RARRES1: variants seen among roughly 807,000 people sequenced by gnomAD.
RARRES1 encodes the protein retinoic acid receptor responder 1.
A neutral mutation model predicts 30.6 loss-of-function variants in RARRES1; 34 were observed. The observed-to-expected ratio is 1.11, with a 90% CI of 0.84 to 1.48. The LOEUF (loss-of-function observed/expected upper bound fraction) is 1.48, where lower values mean the gene tolerates loss of function less well. Ranked by LOEUF, RARRES1 falls within the 40% of genes most tolerant of loss-of-function variation. RARRES1 has a pLI of 0.00. For missense variants in RARRES1, 373 were observed against 386.5 expected (o/e 0.97, Z 0.29); for synonymous variants, 153 against 155.5 (o/e 0.98, Z 0.12).
Position 158,713,816 on chromosome 3 carries a change from G to C in RARRES1, c.320C>G (p.Thr107Arg). 2 of 1,614,128 alleles carry C rather than the reference G, an allele frequency of 1.2e-6. No individual in the cohort carries two copies. Among genetic ancestry groups the C allele is most frequent in the Non-Finnish European group, 1.7e-6 (2 of 1,179,968 alleles). ...EGCKVHVVFS[T>R]ERYNPESLLQ... ...GCTTACCTCTGGGTTGTAGCGCTCT[G>C]TGCTGAAGACCACGTGAACTTTACA... Residue 107 changes from threonine (T) to arginine (R), a missense_variant, in exon 2 of 6, where the codon ACA becomes AGA. By Grantham distance (71) the Thr-to-Arg change is moderately conservative (BLOSUM62 -1). Coordinates refer to ENST00000237696, the MANE Select transcript of RARRES1 (RefSeq NM_206963.2).
chr3:158,698,281 G>T, intron 4 of RARRES1: 1 of 258,308 alleles, frequency 3.9e-6, no homozygotes. Flanking sequence ...ACCTCAAGCT[G>T]ATATATTAGC....
chr3:158,719,068 A>G (rs1412458865), intron 1 of RARRES1, among the ~76,000 whole-genome samples: 1 of 152,140 alleles, frequency 6.6e-6, no homozygotes, highest in Admixed American at 6.6e-5. Context: ...GGCAGAGCAC[A>G]TTGTTCCAAT....
At chr3:158,720,692 T>C (rs1314027653) in intron 1 of RARRES1, among the ~76,000 whole-genome samples, 1 of 152,166 alleles carries the variant, frequency 6.6e-6, no homozygotes, top group Non-Finnish European at 1.5e-5. Context: ...TGGAGTGCAG[T>C]GGTGCAATCA....
chr3:158,724,001 C>G (rs868742769), intron 1 of RARRES1, among the ~76,000 whole-genome samples: 1 of 152,234 alleles, frequency 6.6e-6, no homozygotes, highest in East Asian at 1.9e-4. Flanking sequence ...AGAAGCTGAC[C>G]GTCTCGTTTG....
chr3:158,713,928 ACT>A (rs1176284204), intron 1 of RARRES1, 69 bp from the exon 2 acceptor site: 1 of 1,371,482 alleles, frequency 7.3e-7, no homozygotes, highest in African/African-American at 1.4e-5. Context: ...CAGGAATCAC[ACT>A]CTTAGGATAA....
chr3:158,717,560 G>A (rs1727361950), intron 1 of RARRES1, among the ~76,000 whole-genome samples: 1 of 152,234 alleles, frequency 6.6e-6, no homozygotes, highest in African/African-American at 2.4e-5. Flanking sequence ...CCCGGTAAGA[G>A]GCTGACTGGG....
chr3:158,720,300 G>A (rs1024885385), intron 1 of RARRES1, among the ~76,000 whole-genome samples: 3 of 151,700 alleles, frequency 2.0e-5, no homozygotes, highest in Non-Finnish European at 2.9e-5. Context: ...GAGAGAGAGC[G>A]CTGGGATGCT....
intron 3 of RARRES1, among the ~76,000 whole-genome samples, chr3:158,710,206 G>GTT (rs34073811): frequency 6.7e-5 from 9 of 134,414 alleles, no homozygotes; most frequent in Admixed American, 7.4e-5. Context: ...AAAATGAGGA[G>GTT]TTTTTTTTTT....
chr3:158,703,670 C>T (rs536935458), intron 4 of RARRES1, among the ~76,000 whole-genome samples: 1 of 152,278 alleles, frequency 6.6e-6, no homozygotes, highest in Admixed American at 6.5e-5. Flanking sequence ...AGTTCTCAGT[C>T]CTCATCTTAC....
intron 1 of RARRES1, among the ~76,000 whole-genome samples, chr3:158,721,878 G>A (rs1727521972): frequency 6.6e-6 from 1 of 151,954 alleles, no homozygotes; most frequent in Admixed American, 6.6e-5. Flanking sequence ...GATCACCTGA[G>A]GTCGAGTGTT....
In RARRES1 at chr3:158,732,319, G is replaced by T; in HGVS notation, c.97C>A (p.Pro33Thr). 1 of 1,361,732 alleles carries T rather than the reference G, an allele frequency of 7.3e-7. No individual in the cohort carries two copies. The highest frequency in any genetic ancestry group is 9.4e-7 in the Non-Finnish European group (1 of 1,067,174). The allele number at this position is 1,361,732 out of a possible 1,614,324, so 84.4% of individuals were successfully genotyped here. A position where few individuals can be genotyped will look rare whatever the true frequency, so the allele number is the denominator to read the frequency against. Residue 33 changes from proline (P) to threonine (T), a missense_variant, in exon 1 of 6, where the codon CCG (proline) becomes ACG (threonine). Coordinates refer to ENST00000237696, the MANE Select transcript of RARRES1 (RefSeq NM_206963.2). ...CCGGACCCCGCGGGCGCCGCCACCG[G>T]GGCGAGCAACAGCAGCAGCGCGAGC... is the stretch of plus-strand genomic sequence containing the variant. The part of the protein sequence containing the change: ...PLLALLLLLA[P>T]VAAPAGSGDP...
At chr3:158,716,361 T>G (rs936357115) in intron 1 of RARRES1, among the ~76,000 whole-genome samples, 1 of 152,188 alleles carries the variant, frequency 6.6e-6, no homozygotes, top group Non-Finnish European at 1.5e-5. Context: ...CAGTGATACA[T>G]TCGGGCATGG....
intron 1 of RARRES1, among the ~76,000 whole-genome samples, chr3:158,728,699 CT>C (rs1168623607): frequency 6.6e-6 from 1 of 151,642 alleles, no homozygotes; most frequent in African/African-American, 2.4e-5. Flanking sequence ...AATTTTTGTA[CT>C]TTTAGTAGAG....
At position 158,732,369 on chromosome 3, in the gene RARRES1, CT is replaced by C; in HGVS notation, c.46del (p.Arg16GlyfsTer128). On this transcript the variant is annotated frameshift_variant, in exon 1 of 6. Transcript: ENST00000237696. LOFTEE classifies it high-confidence loss of function. ...QRLPAPWSGP[R>X]GPRPTAPLLA... is the part of the protein sequence containing the mutation. The stretch of plus-strand genomic sequence containing the variant: ...CAGCGGGGCGGTGGGGCGCGGGCCC[CT>C]GGGCCCGGACCAGGGAGCAGGCAGC... 6.7e-7 allele frequency: 1 copy of C among 1,484,466 alleles called. No homozygotes were observed. The highest frequency in any genetic ancestry group is 1.3e-5 in the South Asian group (1 of 79,278). 92.0% of individuals were successfully genotyped at this position (1,484,466 alleles called of 1,614,324 possible).
At chr3:158,700,194 T>C (rs560011797) in intron 4 of RARRES1, among the ~76,000 whole-genome samples, 2 of 136,318 alleles carry the variant, frequency 1.5e-5, no homozygotes, top group Non-Finnish European at 3.1e-5. Flanking sequence ...ATTTAAAAAA[T>C]AATAATAAGT....
intron 1 of RARRES1, among the ~76,000 whole-genome samples, chr3:158,725,096 TTACAGG>T (rs1284749694): frequency 6.6e-6 from 1 of 152,162 alleles, no homozygotes; most frequent in Admixed American, 6.5e-5. Flanking sequence ...AGTGCTGGGA[TTACAGG>T]TGTGAGCCAA....
chr3:158,716,714 G>C (rs1363479107), intron 1 of RARRES1, among the ~76,000 whole-genome samples: 5 of 151,988 alleles, frequency 3.3e-5, no homozygotes, highest in Non-Finnish European at 7.4e-5. Context: ...CTGCTGCATA[G>C]CTGAGACTAC....
At chr3:158,716,702 G>C (rs776196054) in intron 1 of RARRES1, among the ~76,000 whole-genome samples, 5 of 151,878 alleles carry the variant, frequency 3.3e-5, no homozygotes, top group Non-Finnish European at 7.4e-5. Context: ...TCCTGCCTCA[G>C]CCTGCTGCAT....
At chr3:158,698,949 C>G (rs1726637382) in intron 4 of RARRES1, among the ~76,000 whole-genome samples, 1 of 152,140 alleles carries the variant, frequency 6.6e-6, no homozygotes, top group East Asian at 1.9e-4. Context: ...CCCTGCATGG[C>G]AAGCTTATGT....
Sources: gnomAD v4.1 joint callset for allele counts (sites outside exome capture counted in the v4.1 genomes callset) on GRCh38, gnomAD v4.1.1 for gene constraint, MANE v1.5 for transcripts, NCBI Gene and HGNC (gene_info 2026-07-23, HGNC 2026-07-21) for gene names.